STIM1: variants seen among roughly 807,000 people sequenced by gnomAD.
STIM1 encodes the protein stromal interaction molecule 1.
Under a neutral mutation model 74.7 loss-of-function variants are expected in STIM1, and 25 were observed. The observed-to-expected ratio is 0.33, with a 90% confidence interval of 0.24 to 0.47. The LOEUF (loss-of-function observed/expected upper bound fraction) is 0.47, where lower values mean the gene tolerates loss of function less well. STIM1 is among the 20% of genes least tolerant of loss of function. The pLI, the probability that STIM1 is intolerant of heterozygous loss-of-function variation, is 1.00. For synonymous variants in STIM1, 328 were observed against 348.8 expected (o/e 0.94, Z 0.66); for missense variants, 728 against 920.8 (o/e 0.79, Z 2.71).
chr11:4,085,427 G>A (rs1440203958), intron 11 of STIM1, among the ~76,000 whole-genome samples: 4 of 152,208 alleles, frequency 2.6e-5, no homozygotes, highest in Non-Finnish European at 5.9e-5. Flanking sequence ...ATATTCCTAA[G>A]TTACTTGGTG....
At chr11:4,008,193 C>T (rs1179241353) in intron 2 of STIM1, among the ~76,000 whole-genome samples, 1 of 152,072 alleles carries the variant, frequency 6.6e-6, no homozygotes, top group Non-Finnish European at 1.5e-5. Context: ...TACTGTGTTA[C>T]AACTCCCTAC....
At chr11:4,009,713 T>C (rs185606298) in intron 2 of STIM1, among the ~76,000 whole-genome samples, 152 of 152,324 alleles carry the variant, frequency 1.0e-3, no homozygotes, top group African/African-American at 3.6e-3. Flanking sequence ...TGCAACCTCA[T>C]GACAAGTCCC....
At chr11:4,084,960 G>C (rs2094484898) in intron 11 of STIM1, among the ~76,000 whole-genome samples, 195 bp downstream of exon 11, 1 of 152,150 alleles carries the variant, frequency 6.6e-6, no homozygotes, top group Admixed American at 6.5e-5. Context: ...GAGCTGGACA[G>C]AGAACACCCA....
At chr11:4,031,168 G>A (rs533770973) in intron 3 of STIM1, among the ~76,000 whole-genome samples, 6 of 152,242 alleles carry the variant, frequency 3.9e-5, no homozygotes, top group Admixed American at 6.5e-5. Flanking sequence ...AAATAATCTG[G>A]CCACTTTCAC....
At chr11:3,874,935 A>G (rs1590515065) in intron 1 of STIM1, among the ~76,000 whole-genome samples, 1 of 149,778 alleles carries the variant, frequency 6.7e-6, no homozygotes, top group South Asian at 2.1e-4. Flanking sequence ...TTTCCTGGAC[A>G]TCTGGCTTTA....
chr11:4,033,748 A>C (rs1397274817), intron 3 of STIM1, among the ~76,000 whole-genome samples: 1 of 151,806 alleles, frequency 6.6e-6, no homozygotes, highest in East Asian at 2.0e-4. Context: ...GGTGCCCACC[A>C]CTGCACCCAG....
At position 4,058,991 on chromosome 11, in the gene STIM1, A is replaced by T. The variant is rs910595137; in HGVS notation, c.498-290A>T. 12 of 1,166,392 alleles carry T rather than the reference A, an allele frequency of 1.0e-5. No individual in the cohort carries two copies. The South Asian group carries it at 1.7e-4, about 17-fold the overall frequency. 72.3% of individuals were successfully genotyped at this position (1,166,392 alleles called of 1,614,324 possible). ...GATAAACCCTGGAAGGAGAAGCACA[A>T]CAGAAAATTTAGTTGGGTGTGGGAA... On this transcript the variant is annotated intron_variant, in intron 4 of 12. Coordinates refer to ENST00000526596, the MANE Select transcript of STIM1 (RefSeq NM_001382567.1).
intron 3 of STIM1, among the ~76,000 whole-genome samples, chr11:4,043,972 AC>A (rs1301011156): frequency 2.3e-4 from 35 of 151,964 alleles, no homozygotes; most frequent in African/African-American, 8.5e-4. Context: ...CTGAGATTGT[AC>A]CATTGCACTC....
intron 2 of STIM1, among the ~76,000 whole-genome samples, chr11:3,988,566 C>T (rs1160212758): frequency 6.6e-6 from 1 of 152,104 alleles, no homozygotes; most frequent in Non-Finnish European, 1.5e-5. Context: ...TAAGCTGTTA[C>T]ATATGTCCCA....
chr11:3,888,129 TGCCAGCTGCTATGGG>T (rs1267602057), intron 1 of STIM1: 2 of 152,364 alleles, frequency 1.3e-5, no homozygotes, highest in African/African-American at 4.8e-5. Context: ...GCCAGAGCTA[TGCCAGCTGCTATGGG>T]GCCAGAAACA....
chr11:4,075,032 T>C (rs1423611368), intron 7 of STIM1, among the ~76,000 whole-genome samples: 1 of 151,954 alleles, frequency 6.6e-6, no homozygotes, highest in African/African-American at 2.4e-5. Context: ...TCCCAGCTAC[T>C]TGGGAGGCTG....
chr11:4,045,311 C>T (rs150285092), intron 3 of STIM1, among the ~76,000 whole-genome samples: 1 of 152,302 alleles, frequency 6.6e-6, no homozygotes, highest in East Asian at 1.9e-4. Flanking sequence ...ACTTGTCTGT[C>T]TGCCTTATAT....
intron 1 of STIM1, among the ~76,000 whole-genome samples, chr11:3,865,531 A>G (rs7943201): frequency 0.54 from 82,621 of 152,016 alleles, 23,654 homozygotes; most frequent in South Asian, 0.66. Context: ...TCCAGCTAGA[A>G]AGCTTTTTTA....
At chr11:3,907,365 A>T (rs1367312648) in intron 1 of STIM1, among the ~76,000 whole-genome samples, 1 of 152,198 alleles carries the variant, frequency 6.6e-6, no homozygotes, top group African/African-American at 2.4e-5. Context: ...TTGCATATCT[A>T]ACCTCTTAAT....
At chr11:3,999,941 C>G (rs986571423) in intron 2 of STIM1, among the ~76,000 whole-genome samples, 6 of 152,164 alleles carry the variant, frequency 3.9e-5, no homozygotes, top group Non-Finnish European at 8.8e-5. Flanking sequence ...TATCCTGCAC[C>G]TGGCTCGGAG....
intron 2 of STIM1, among the ~76,000 whole-genome samples, chr11:4,021,082 C>G (rs2093951635): frequency 6.6e-6 from 1 of 151,902 alleles, no homozygotes. Context: ...TTCATTGTTT[C>G]CATTTTATTT....
intron 1 of STIM1, among the ~76,000 whole-genome samples, chr11:3,877,938 A>G (rs1488641063): frequency 6.6e-6 from 1 of 152,204 alleles, no homozygotes; most frequent in African/African-American, 2.4e-5. Flanking sequence ...AGAATGAGTA[A>G]GCAGGGAGGA....
intron 2 of STIM1, among the ~76,000 whole-genome samples, chr11:3,977,326 A>G (rs181170483): frequency 7.0e-4 from 106 of 152,310 alleles, no homozygotes; most frequent in African/African-American, 2.4e-3. Flanking sequence ...GATAAGGATG[A>G]GTAGGTAGCA....
intron 1 of STIM1, among the ~76,000 whole-genome samples, chr11:3,966,009 AAAAC>A (rs139956777): frequency 0.044 from 6,732 of 152,190 alleles, 390 homozygotes; most frequent in African/African-American, 0.14. Context: ...TCTGTCTCAA[AAAAC>A]AAACAAACAA....
Sources: allele counts gnomAD v4.1 joint callset (sites outside exome capture counted in the v4.1 genomes callset), GRCh38; gene constraint gnomAD v4.1.1; transcripts MANE v1.5; gene names NCBI Gene and HGNC (gene_info 2026-07-23, HGNC 2026-07-21).